KHDRBS1: variants seen among roughly 807,000 people sequenced by gnomAD.
KHDRBS1 encodes KH RNA binding domain containing, signal transduction associated 1, also known as KH domain-containing, RNA-binding, signal transduction-associated protein 1.
In KHDRBS1, 7 loss-of-function variants were observed where a neutral mutation model predicts 48.4. The observed-to-expected ratio is 0.14, with a 90% confidence interval of 0.08 to 0.27. The LOEUF is 0.27. Ranked by LOEUF, KHDRBS1 falls within the 10% of genes least tolerant of loss-of-function variation. The probability of loss-of-function intolerance (pLI) is 1.00; values close to 1 mark genes in which losing one functional copy is unlikely to be tolerated. For missense variants in KHDRBS1, 458 were observed against 601.2 expected, an observed-to-expected ratio of 0.76 and a Z score of 2.49; for synonymous variants, 241 against 235.8, an observed-to-expected ratio of 1.02 and a Z score of -0.20.
At chr1:32,053,812 G>A (rs867414836) in intron 10 of KHDRBS1, among the ~76,000 whole-genome samples, 5 of 152,218 alleles carry the variant, frequency 3.3e-5, no homozygotes, top group African/African-American at 9.6e-5. Flanking sequence ...GCCGGGTGCA[G>A]TGGCTCACAC....
At chr1:32,046,332 G>C (rs900271319), downstream of KHDRBS1, among the ~76,000 whole-genome samples, 1 of 152,036 alleles carries the variant, frequency 6.6e-6, no homozygotes, top group Non-Finnish European at 1.5e-5. Context: ...TCCTGTCTCA[G>C]CCTCCCGAGT....
At chr1:32,025,177 G>T (rs560673085) in intron 1 of KHDRBS1, among the ~76,000 whole-genome samples, 12 of 150,606 alleles carry the variant, frequency 8.0e-5, no homozygotes, top group Admixed American at 5.3e-4. Flanking sequence ...GAGGTGGGAG[G>T]ATCGCCTGAA....
chr1:32,038,211 A>G, intron 6 of KHDRBS1, 175 bp downstream of exon 6: 1 of 989,670 alleles, frequency 1.0e-6, no homozygotes, highest in South Asian at 1.7e-5. Context: ...CATTTTAGGC[A>G]GGGTTTTACT....
intron 8 of KHDRBS1, 87 bp downstream of exon 8, chr1:32,039,660 A>G (rs1217506434): frequency 3.8e-6 from 3 of 788,784 alleles, no homozygotes; most frequent in Non-Finnish European, 6.9e-6. Flanking sequence ...AGTCAGACAA[A>G]CACACCTACG....
chr1:32,018,565 C>G (rs1335181132), intron 1 of KHDRBS1, among the ~76,000 whole-genome samples: 2 of 150,900 alleles, frequency 1.3e-5, no homozygotes, highest in African/African-American at 4.9e-5. Context: ...ACCATCCTGG[C>G]TAACACAGTG....
chr1:32,035,973 GAC>G (rs1401259758), intron 4 of KHDRBS1, among the ~76,000 whole-genome samples: 3 of 152,056 alleles, frequency 2.0e-5, no homozygotes, highest in Non-Finnish European at 4.4e-5. Context: ...GGACAAAAAA[GAC>G]AGTATAAGGA....
At chr1:32,016,603 G>C (rs1403743656) in intron 1 of KHDRBS1, among the ~76,000 whole-genome samples, 1 of 152,162 alleles carries the variant, frequency 6.6e-6, no homozygotes, top group African/African-American at 2.4e-5. Flanking sequence ...CCAGAGAGCA[G>C]AGTCTACTGC....
downstream of KHDRBS1, chr1:32,045,472 A>G (rs1046587099): frequency 3.3e-5 from 5 of 152,598 alleles, no homozygotes; most frequent in African/African-American, 1.2e-4. Flanking sequence ...GTGGCCTGTA[A>G]GGTGGTCAAT....
At chr1:32,026,800 C>T (rs1390667310) in intron 1 of KHDRBS1, among the ~76,000 whole-genome samples, 2 of 152,022 alleles carry the variant, frequency 1.3e-5, no homozygotes, top group Non-Finnish European at 2.9e-5. Flanking sequence ...GTTCCACATT[C>T]TTTTTTGTTG....
intron 10 of KHDRBS1, chr1:32,052,421 G>A (rs1285571869): frequency 8.7e-5 from 13 of 149,096 alleles, no homozygotes; most frequent in Non-Finnish European, 1.5e-4. Flanking sequence ...TTTTTGAGAC[G>A]GTGTCTCACT....
intron 1 of KHDRBS1, 102 bp from the exon 2 acceptor site, chr1:32,030,196 C>A: frequency 2.3e-6 from 2 of 883,268 alleles, no homozygotes; most frequent in Non-Finnish European, 3.4e-6. Flanking sequence ...TTTGTGTGAA[C>A]TATTTGGTTT....
intron 10 of KHDRBS1, among the ~76,000 whole-genome samples, chr1:32,051,510 G>T (rs1268698107): frequency 6.6e-6 from 1 of 152,176 alleles, no homozygotes; most frequent in Admixed American, 6.5e-5. Flanking sequence ...GTATTATACT[G>T]CAGGCTGCTA....
intron 1 of KHDRBS1, among the ~76,000 whole-genome samples, chr1:32,025,191 A>G (rs759940698): frequency 3.4e-5 from 5 of 147,634 alleles, no homozygotes; most frequent in Non-Finnish European, 6.0e-5. Context: ...GCCTGAACCC[A>G]GGAGGTTGAG....
Position 32,030,303 on chromosome 1 carries a change from G to T in KHDRBS1, c.388G>T (p.Glu130Ter). The T allele has an allele frequency of 6.2e-7, 1 of 1,600,908 alleles. No homozygotes were observed. Among genetic ancestry groups the T allele is most frequent in the South Asian group, 1.1e-5 (1 of 87,874 alleles). ...HAMQLLTAEI[E>*]KIQKGDSKKD... ...AAATTGTTTTTCCTATTCAGAAATT[G>T]AGAAGATTCAGAAAGGAGACTCAAA... The change falls in exon 2 of 9, where the codon GAG (glutamate) becomes TAG (stop). Residue 130 changes from glutamate (E) to a stop codon, truncating the protein, a stop_gained. Transcript: ENST00000327300. LOFTEE classifies it high-confidence loss of function.
chr1:32,031,497 A>G (rs373088925), intron 2 of KHDRBS1, 27 bp from the exon 3 acceptor site: 6 of 1,386,980 alleles, frequency 4.3e-6, no homozygotes, highest in South Asian at 1.2e-5. Context: ...TAGCATGTAT[A>G]TTTAGAAATC....
chr1:32,055,539 A>G (rs959214676), intron 10 of KHDRBS1, among the ~76,000 whole-genome samples: 1 of 152,132 alleles, frequency 6.6e-6, no homozygotes, highest in South Asian at 2.1e-4. Context: ...TAGTCGTTGC[A>G]TGTTTAAAGC....
intron 8 of KHDRBS1, 114 bp from the exon 9 acceptor site, chr1:32,042,413 A>G (rs1211109537): frequency 1.5e-6 from 1 of 686,198 alleles, no homozygotes; most frequent in Non-Finnish European, 2.6e-6. Context: ...GGGAAGTGTC[A>G]AGACATTAGA....
chr1:32,059,372 C>T (rs1416272175), intron 10 of KHDRBS1, among the ~76,000 whole-genome samples: 1 of 151,694 alleles, frequency 6.6e-6, no homozygotes, highest in Non-Finnish European at 1.5e-5. Flanking sequence ...GTCTGAGCAA[C>T]ATATGGAGAC....
chr1:32,039,303 G>A (rs1025405783), intron 7 of KHDRBS1, among the ~76,000 whole-genome samples: 1 of 152,028 alleles, frequency 6.6e-6, no homozygotes, highest in East Asian at 1.9e-4. Flanking sequence ...ATATTCTGTG[G>A]TATCCATTTT....
Sources: gnomAD v4.1 joint callset for allele counts (sites outside exome capture counted in the v4.1 genomes callset) on GRCh38, gnomAD v4.1.1 for gene constraint, MANE v1.5 for transcripts, NCBI Gene and HGNC (gene_info 2026-07-23, HGNC 2026-07-21) for gene names.